The following TMEM192 variants were observed in gnomAD, a reference collection of about 807,000 sequenced individuals.
TMEM192 encodes the protein transmembrane protein 192.
A neutral mutation model predicts 26.7 loss-of-function variants in TMEM192; 20 were observed. That is an observed-to-expected ratio of 0.75 (90% CI 0.53 to 1.09). The LOEUF (loss-of-function observed/expected upper bound fraction) is 1.09, where lower values mean the gene tolerates loss of function less well. TMEM192 is among the 50% of genes least tolerant of loss of function. The pLI is 0.00. For missense variants in TMEM192, 304 were observed against 322.6 expected (o/e 0.94, Z 0.44); for synonymous variants, 124 against 121.0 (o/e 1.02, Z -0.16).
intron 1 of TMEM192, chr4:165,111,509 ATG>A (rs1210723770): frequency 6.6e-6 from 1 of 152,166 alleles, no homozygotes; most frequent in African/African-American, 2.4e-5. Context: ...CACTTACTGC[ATG>A]TGTTTTTCTA....
chr4:165,081,122 C>T (rs952255086), intron 5 of TMEM192, among the ~76,000 whole-genome samples: 1 of 152,148 alleles, frequency 6.6e-6, no homozygotes, highest in Non-Finnish European at 1.5e-5. Flanking sequence ...GACTTTGTCA[C>T]CCACAGACTG....
intron 4 of TMEM192, among the ~76,000 whole-genome samples, chr4:165,087,436 T>G: frequency 6.6e-6 from 1 of 152,142 alleles, no homozygotes. Context: ...ATCCAGTTCT[T>G]GGGGAGTGAG....
At chr4:165,085,523 C>T in intron 5 of TMEM192, 63 bp downstream of exon 5, 1 of 1,042,720 alleles carries the variant, frequency 9.6e-7, no homozygotes, top group African/African-American at 1.6e-5. Flanking sequence ...TTCCAAGCAT[C>T]AGAATGGTTT....
chr4:165,087,909 T>TTTG (rs1560927682), intron 4 of TMEM192, among the ~76,000 whole-genome samples: 1 of 152,102 alleles, frequency 6.6e-6, no homozygotes, highest in Non-Finnish European at 1.5e-5. Context: ...TGTGGATGTT[T>TTTG]TTGTTGTTGT....
chr4:165,100,133 T>G (rs550101602), intron 3 of TMEM192, among the ~76,000 whole-genome samples: 21 of 151,650 alleles, frequency 1.4e-4, no homozygotes, highest in African/African-American at 4.6e-4. Context: ...CAAATGAAAA[T>G]TAAGGCTATA....
rs898000918 is a variant in TMEM192 at position 165,073,573 on chromosome 4, T to C, written c.*6085A>G. The C allele has an allele frequency of 6.6e-6, 1 of 151,018 alleles. No homozygotes were observed. Among genetic ancestry groups the C allele is most frequent in the African/African-American group, 2.4e-5 (1 of 41,010 alleles). 9.4% of individuals were successfully genotyped at this position (151,018 alleles called of 1,614,324 possible). A position where few individuals can be genotyped will look rare whatever the true frequency, so the allele number is the denominator to read the frequency against. On this transcript the variant is annotated 3_prime_UTR_variant, in exon 6 of 6. Transcript: ENST00000306480. ...GTAAAGGGTCTGTGCTGAGGAGGAGTAGTGAAAGAGGGAGGCCTCTTTGCA... is the reference window on the plus strand; with the variant it reads ...GTAAAGGGTCTGTGCTGAGGAGGAGCAGTGAAAGAGGGAGGCCTCTTTGCA...
At chr4:165,097,671 G>A (rs1392334092) in intron 3 of TMEM192, among the ~76,000 whole-genome samples, 1 of 149,578 alleles carries the variant, frequency 6.7e-6, no homozygotes, top group Non-Finnish European at 1.5e-5. Context: ...CTGGAGTGTG[G>A]TGCATAATCA....
chr4:165,091,830 T>C (rs143000988), intron 3 of TMEM192, among the ~76,000 whole-genome samples: 4 of 152,316 alleles, frequency 2.6e-5, no homozygotes, highest in African/African-American at 4.8e-5. Context: ...TAAAAAGTGA[T>C]GCCATTTTTA....
intron 3 of TMEM192, among the ~76,000 whole-genome samples, chr4:165,094,521 G>A (rs1040468456): frequency 1.3e-5 from 2 of 152,038 alleles, no homozygotes; most frequent in Non-Finnish European, 2.9e-5. Flanking sequence ...GACGGGTGGG[G>A]CGGTGCATGC....
At position 165,103,006 on chromosome 4, in the gene TMEM192, G is replaced by T; in HGVS notation, c.118C>A (p.Pro40Thr). 6.2e-7 allele frequency: 1 copy of T among 1,613,596 alleles called. No individual in the cohort carries two copies. The highest frequency in any genetic ancestry group is 1.3e-5 in the African/African-American group (1 of 75,002). Residue 40 changes from proline to threonine, a missense_variant, in exon 2 of 6, where the codon CCC becomes ACC. By Grantham distance (38) the Pro-to-Thr change is conservative. Transcript: ENST00000306480. Reference sequence around the variant, plus strand: ...ACTGTAGGAAGAGGATGGAATCGGGGTCTAAAGTGAGCTTGTAATGAGTGG... The same window carrying T: ...ACTGTAGGAAGAGGATGGAATCGGGTTCTAAAGTGAGCTTGTAATGAGTGG... ...PHHSLQAHFR[P>T]RFHPLPTVII...
At chr4:165,107,453 C>T (rs1735190580) in intron 1 of TMEM192, among the ~76,000 whole-genome samples, 3 of 152,034 alleles carry the variant, frequency 2.0e-5, no homozygotes, top group Non-Finnish European at 2.9e-5. Flanking sequence ...AAGAAATCCT[C>T]CTACCTCAGT....
At chr4:165,101,975 G>A (rs1735048770) in intron 2 of TMEM192, among the ~76,000 whole-genome samples, 1 of 152,154 alleles carries the variant, frequency 6.6e-6, no homozygotes, top group Non-Finnish European at 1.5e-5. Flanking sequence ...GGAGTGGTGA[G>A]AATGAGCCCT....
chr4:165,086,616 T>C (rs1383125698), intron 4 of TMEM192, among the ~76,000 whole-genome samples: 1 of 151,706 alleles, frequency 6.6e-6, no homozygotes, highest in African/African-American at 2.4e-5. Flanking sequence ...GTAGAGACGG[T>C]GTTTCACCAT....
Position 165,112,851 on chromosome 4 carries a change from G to T in TMEM192, c.-78C>A, listed in dbSNP as rs1377615387. The T allele has an allele frequency of 2.5e-5, 38 of 1,551,002 alleles. No homozygotes were observed. The highest frequency in any genetic ancestry group is 2.9e-5 in the Non-Finnish European group (34 of 1,152,944). On this transcript the variant is annotated 5_prime_UTR_variant, in exon 1 of 6. Coordinates refer to ENST00000306480, the MANE Select transcript of TMEM192 (RefSeq NM_001100389.2). ...CTGTAAGCCTCTGGCCGCGAAACTCGCCACCTTCTGGGACCTGCCAGGCCC... is the reference window on the plus strand; with the variant it reads ...CTGTAAGCCTCTGGCCGCGAAACTCTCCACCTTCTGGGACCTGCCAGGCCC...
intron 1 of TMEM192, among the ~76,000 whole-genome samples, 194 bp from the exon 2 acceptor site, chr4:165,103,290 T>A (rs1007724538): frequency 1.3e-5 from 2 of 152,012 alleles, no homozygotes; most frequent in Non-Finnish European, 2.9e-5. Flanking sequence ...ATTAATTTTT[T>A]AAAAACTGTA....
rs1331448999 is a variant in TMEM192 at position 165,070,741 on chromosome 4, C to T, written c.*8917G>A. 1 of 152,108 alleles carries T rather than the reference C, an allele frequency of 6.6e-6. No homozygotes were observed. Among genetic ancestry groups the T allele is most frequent in the Non-Finnish European group, 1.5e-5 (1 of 68,014 alleles). The allele number at this position is 152,108 out of a possible 1,614,324, so 9.4% of individuals were successfully genotyped here. On this transcript the variant is annotated 3_prime_UTR_variant, in exon 6 of 6. Coordinates refer to ENST00000306480, the MANE Select transcript of TMEM192 (RefSeq NM_001100389.2). The stretch of plus-strand genomic sequence containing the variant: ...ATAAACAGAAAGTGAAAACAGAGCC[C>T]AGGTTACAGCTGGATTACAGGAACA...
intron 4 of TMEM192, among the ~76,000 whole-genome samples, chr4:165,088,155 T>C (rs4538438): frequency 0.84 from 127,623 of 152,166 alleles, 54,677 homozygotes; most frequent in East Asian, 0.95. Flanking sequence ...AAGTGATCCT[T>C]CTGCCTCATC....
intron 3 of TMEM192, among the ~76,000 whole-genome samples, chr4:165,090,072 G>A (rs1421773728): frequency 3.9e-5 from 6 of 152,072 alleles, no homozygotes; most frequent in East Asian, 3.9e-4. Context: ...TTAGCTGGGC[G>A]TGCTGGCATA....
intron 3 of TMEM192, among the ~76,000 whole-genome samples, chr4:165,089,739 A>C (rs901589899): frequency 1.3e-5 from 2 of 152,128 alleles, no homozygotes; most frequent in Admixed American, 1.3e-4. Context: ...AGAAAGAAGG[A>C]CAAGAAACAG....
Sources: allele counts gnomAD v4.1 joint callset (sites outside exome capture counted in the v4.1 genomes callset), GRCh38; gene constraint gnomAD v4.1.1; transcripts MANE v1.5; gene names NCBI Gene and HGNC (gene_info 2026-07-23, HGNC 2026-07-21).